STXBP5: variants seen among roughly 807,000 people sequenced by gnomAD.
STXBP5 encodes syntaxin-binding protein 5.
Under a neutral mutation model 152.4 loss-of-function variants are expected in STXBP5, and 50 were observed. The ratio of observed to expected loss-of-function variants is 0.33; its 90% CI spans 0.26 to 0.42. The LOEUF (loss-of-function observed/expected upper bound fraction) is 0.42, where lower values mean the gene tolerates loss of function less well. Ranked by LOEUF, STXBP5 falls within the 10% of genes least tolerant of loss-of-function variation. The probability of loss-of-function intolerance (pLI) is 1.00; values close to 1 mark genes in which losing one functional copy is unlikely to be tolerated. For missense variants in STXBP5, 1,167 were observed against 1,388.6 expected, an observed-to-expected ratio of 0.84 and a Z score of 2.54; for synonymous variants, 492 against 494.7, an observed-to-expected ratio of 0.99 and a Z score of 0.07.
chr6:147,240,691 A>T (rs73582534), intron 4 of STXBP5, among the ~76,000 whole-genome samples: 2,921 of 152,324 alleles, frequency 0.019, 72 homozygotes, highest in African/African-American at 0.064. Flanking sequence ...AGTAGAGGTA[A>T]GAAGTGTGAA....
chr6:147,263,566 T>C (rs568153772), intron 6 of STXBP5, among the ~76,000 whole-genome samples: 3 of 152,100 alleles, frequency 2.0e-5, no homozygotes, highest in Admixed American at 6.6e-5. Flanking sequence ...ACAAATAAAA[T>C]CAGTTTTTCT....
chr6:147,362,611 T>C (rs1268713023), intron 23 of STXBP5, among the ~76,000 whole-genome samples: 1 of 152,182 alleles, frequency 6.6e-6, no homozygotes, highest in Non-Finnish European at 1.5e-5. Context: ...TGGTTGGAAA[T>C]GTGTGAATTT....
At chr6:147,281,542 T>C (rs945520509) in intron 8 of STXBP5, among the ~76,000 whole-genome samples, 2 of 152,256 alleles carry the variant, frequency 1.3e-5, no homozygotes, top group African/African-American at 4.8e-5. Context: ...TTGCTCTTAA[T>C]TTCTAGCCAA....
At chr6:147,206,969 A>G (rs928241536) in intron 2 of STXBP5, among the ~76,000 whole-genome samples, 3 of 151,276 alleles carry the variant, frequency 2.0e-5, no homozygotes, top group Admixed American at 6.6e-5. Flanking sequence ...CCTCCTGCAT[A>G]TTAATGAGTA....
chr6:147,248,560 T>C (rs1336870500), intron 4 of STXBP5, among the ~76,000 whole-genome samples: 2 of 152,106 alleles, frequency 1.3e-5, no homozygotes, highest in Non-Finnish European at 2.9e-5. Context: ...AGCTGGAGCT[T>C]CTCATAACTT....
intron 2 of STXBP5, among the ~76,000 whole-genome samples, chr6:147,234,944 G>A (rs1238926151): frequency 6.6e-6 from 1 of 151,952 alleles, no homozygotes; most frequent in Non-Finnish European, 1.5e-5. Flanking sequence ...GTTATTTTAA[G>A]ATGAAGAAAA....
Position 147,216,283 on chromosome 6 carries a change from T to C in STXBP5, c.248+10215T>C, listed in dbSNP as rs532191965. ...GGCAGGTGCCTGTAATCCCAGCTACTTGGGAGGCTGTGGCAGGAGAATCAC... is the reference window on the plus strand; with the variant it reads ...GGCAGGTGCCTGTAATCCCAGCTACCTGGGAGGCTGTGGCAGGAGAATCAC... On this transcript the variant is annotated intron_variant, in intron 2 of 27. Transcript: ENST00000321680. Among the ~76,000 whole-genome samples the C allele has an allele frequency of 7.2e-5, 11 of 152,220 alleles. No homozygotes were observed. In the South Asian group the frequency reaches 2.3e-3, roughly 32 times the overall value.
At chr6:147,275,162 C>T (rs1387192358) in intron 7 of STXBP5, among the ~76,000 whole-genome samples, 1 of 152,084 alleles carries the variant, frequency 6.6e-6, no homozygotes, top group Non-Finnish European at 1.5e-5. Flanking sequence ...AATATTACTC[C>T]TTTTGAAAAA....
intron 2 of STXBP5, among the ~76,000 whole-genome samples, chr6:147,222,338 A>G (rs1354178187): frequency 1.3e-5 from 2 of 152,160 alleles, no homozygotes. Context: ...TGATGTACTA[A>G]GTAAAAGGAA....
intron 2 of STXBP5, among the ~76,000 whole-genome samples, chr6:147,222,875 G>A (rs1054835480): frequency 6.6e-6 from 1 of 152,174 alleles, no homozygotes; most frequent in African/African-American, 2.4e-5. Context: ...TGCCTATTTT[G>A]AGCCTCCGGC....
intron 8 of STXBP5, among the ~76,000 whole-genome samples, 167 bp downstream of exon 8, chr6:147,278,371 C>A (rs1010293262): frequency 6.6e-6 from 1 of 152,052 alleles, no homozygotes; most frequent in South Asian, 2.1e-4. Flanking sequence ...TATCTAACAA[C>A]CAGTTAATAA....
At chr6:147,221,509 T>C (rs1777459615) in intron 2 of STXBP5, among the ~76,000 whole-genome samples, 1 of 152,040 alleles carries the variant, frequency 6.6e-6, no homozygotes, top group African/African-American at 2.4e-5. Context: ...TCTTCAGTTT[T>C]GAAGGCTAAT....
In STXBP5 at chr6:147,316,370, T is replaced by G. The variant is rs1467473857; in HGVS notation, c.1765T>G (p.Ser589Ala). The G allele has an allele frequency of 3.2e-6, 5 of 1,584,928 alleles. No individual in the cohort carries two copies. Among genetic ancestry groups the G allele is most frequent in the Non-Finnish European group, 4.3e-6 (5 of 1,169,274 alleles). The change falls in exon 16 of 28, where the codon TCA (serine) becomes GCA (alanine). Residue 589 changes from serine (S) to alanine (A), a missense_variant. Physicochemically the swap from Ser to Ala is moderately conservative, Grantham distance 99 (BLOSUM62 1). Around this residue, in one of 3 missense-constraint regions of STXBP5, gnomAD observed 833 missense variants for 986.3 expected, o/e 0.84. Coordinates refer to ENST00000321680, the MANE Select transcript of STXBP5 (RefSeq NM_001127715.4). Reference protein sequence around the residue: ...PQSHPSTSSSSSDGLRDNVPC... With the variant: ...PQSHPSTSSSASDGLRDNVPC... ...GTCTCATCCATCTACCAGTAGCAGT[T>G]CATCTGATGGGCTTCGTGATAATGT...
chr6:147,340,019 G>C (rs537799184), intron 21 of STXBP5, among the ~76,000 whole-genome samples: 12 of 152,082 alleles, frequency 7.9e-5, no homozygotes, highest in Admixed American at 7.2e-4. Flanking sequence ...TCAAATTAGG[G>C]TTTCAAGGTC....
At chr6:147,271,495 A>C (rs1363256358) in intron 7 of STXBP5, among the ~76,000 whole-genome samples, 1 of 152,188 alleles carries the variant, frequency 6.6e-6, no homozygotes, top group East Asian at 1.9e-4. Flanking sequence ...GAAATCAGTT[A>C]TATAGATGGA....
chr6:147,249,420 T>G (rs531017431), intron 4 of STXBP5, among the ~76,000 whole-genome samples: 7 of 152,250 alleles, frequency 4.6e-5, no homozygotes, highest in African/African-American at 1.4e-4. Context: ...ACAAGCTGTT[T>G]GTAGGACTCA....
intron 16 of STXBP5, among the ~76,000 whole-genome samples, chr6:147,319,856 T>TA (rs1491440589): frequency 2.6e-5 from 2 of 76,318 alleles, no homozygotes; most frequent in African/African-American, 5.6e-5. Flanking sequence ...TTTTTTTTTT[T>TA]AAAGAGACAG....
At chr6:147,280,583 T>C (rs1349050870) in intron 8 of STXBP5, among the ~76,000 whole-genome samples, 1 of 152,238 alleles carries the variant, frequency 6.6e-6, no homozygotes, top group Admixed American at 6.5e-5. Context: ...CCCTTTAGTT[T>C]TAGCATCTGT....
intron 4 of STXBP5, among the ~76,000 whole-genome samples, chr6:147,241,837 T>C (rs919858425): frequency 4.6e-5 from 7 of 152,228 alleles, no homozygotes. Context: ...CCTATTGTGC[T>C]ACCAGTTGTC....
Sources: gnomAD v4.1 joint callset for allele counts (sites outside exome capture counted in the v4.1 genomes callset) on GRCh38, gnomAD v4.1.1 for gene constraint, gnomAD v4.1.1 regional missense constraint, MANE v1.5 for transcripts, NCBI Gene and HGNC (gene_info 2026-07-23, HGNC 2026-07-21) for gene names.